NRXN2: variants seen among roughly 807,000 people sequenced by gnomAD.
NRXN2 encodes the protein neurexin 2.
Under a neutral mutation model 128.8 loss-of-function variants are expected in NRXN2, and 29 were observed. The ratio of observed to expected loss-of-function variants is 0.23; its 90% CI spans 0.17 to 0.31. NRXN2 has a LOEUF of 0.31. Ranked by LOEUF, NRXN2 falls within the 10% of genes least tolerant of loss-of-function variation. NRXN2 has a pLI of 1.00. For synonymous variants in NRXN2, 1,098 were observed against 1,075.2 expected (o/e 1.02, Z -0.41); for missense variants, 1,881 against 2,452.6 (o/e 0.77, Z 4.92).
chr11:64,629,145 G>A (rs576108512), intron 19 of NRXN2, among the ~76,000 whole-genome samples: 8 of 152,264 alleles, frequency 5.3e-5, no homozygotes, highest in Non-Finnish European at 1.2e-4. Flanking sequence ...CCTGCCCCTC[G>A]CAGTCAGCAT....
Position 64,690,456 on chromosome 11 carries a change from C to G in NRXN2, c.799G>C (p.Glu267Gln). The change falls in exon 5 of 23, where the codon GAG becomes CAG. Residue 267 changes from glutamate (E) to glutamine (Q), a missense_variant. By Grantham distance (29) the Glu-to-Gln change is conservative. This residue lies in a region of NRXN2 where 997 missense variants were observed against 1,240.8 expected (regional missense o/e 0.80). Coordinates refer to ENST00000265459, the MANE Select transcript of NRXN2 (RefSeq NM_015080.4). ...GCTCCTCCTCTCCCGGCCCCCCCCT[C>G]GGAGAACAGTAAGGACCCTACTGGA... ...NSEVGSLLFS[E>Q]GGAGRGGAGD... is the part of the protein sequence containing the mutation. The G allele has an allele frequency of 6.2e-7, 1 of 1,613,508 alleles. No homozygotes were observed. The highest frequency in any genetic ancestry group is 2.2e-5 in the East Asian group (1 of 44,862).
chr11:64,672,029 C>A (rs957554564), intron 7 of NRXN2, among the ~76,000 whole-genome samples: 1 of 152,174 alleles, frequency 6.6e-6, no homozygotes, highest in African/African-American at 2.4e-5. Context: ...CACAGACAAG[C>A]AGGCCGAGTG....
chr11:64,666,447 C>T (rs1041685801), intron 9 of NRXN2, among the ~76,000 whole-genome samples: 3 of 152,054 alleles, frequency 2.0e-5, no homozygotes, highest in Non-Finnish European at 2.9e-5. Flanking sequence ...AATGATCCAC[C>T]CACTTCGGCC....
intron 7 of NRXN2, among the ~76,000 whole-genome samples, chr11:64,669,137 G>A (rs1250465669): frequency 6.6e-6 from 1 of 152,166 alleles, no homozygotes; most frequent in Non-Finnish European, 1.5e-5. Flanking sequence ...TTTCAGTCTG[G>A]ACCCAGTAGG....
At position 64,607,659 on chromosome 11, in the gene NRXN2, T is replaced by C. The variant is rs931624303; in HGVS notation, c.4676A>G (p.Asn1559Ser). The C allele has an allele frequency of 9.2e-6, 14 of 1,525,380 alleles. No individual in the cohort carries two copies. The highest frequency in any genetic ancestry group is 1.2e-5 in the Non-Finnish European group (14 of 1,134,102). The allele number at this position is 1,525,380 out of a possible 1,614,324, so 94.5% of individuals were successfully genotyped here. A position where few individuals can be genotyped will look rare whatever the true frequency, so the allele number is the denominator to read the frequency against. The change falls in exon 23 of 23, where the codon AAC (asparagine) becomes AGC (serine). Residue 1559 changes from asparagine to serine, a missense_variant. Physicochemically the swap from Asn to Ser is conservative, Grantham distance 46. Coordinates refer to ENST00000265459, the MANE Select transcript of NRXN2 (RefSeq NM_015080.4). ...VLFAPSAPAPNLPAGKMNHRD... is the reference protein window; with the variant it reads ...VLFAPSAPAPSLPAGKMNHRD... ...GTGGTTCATTTTGCCCGCCGGCAGG[T>C]TGGGGGCCGGGGCGGAGGGGGCAAA... is the stretch of plus-strand genomic sequence containing the variant.
At chr11:64,694,935 T>A (rs1048717985) in intron 3 of NRXN2, among the ~76,000 whole-genome samples, 6 of 151,916 alleles carry the variant, frequency 3.9e-5, no homozygotes, top group Non-Finnish European at 7.4e-5. Flanking sequence ...AAGCCACATC[T>A]CCCTCTCCCA....
At chr11:64,663,308 A>G (rs980989660) in intron 9 of NRXN2, among the ~76,000 whole-genome samples, 9 of 151,590 alleles carry the variant, frequency 5.9e-5, no homozygotes, top group African/African-American at 1.9e-4. Flanking sequence ...CAGAGGTTGC[A>G]GTGAGCTGAG....
chr11:64,709,641 T>C (rs1357802426), intron 2 of NRXN2, among the ~76,000 whole-genome samples: 1 of 152,160 alleles, frequency 6.6e-6, no homozygotes, highest in African/African-American at 2.4e-5. Context: ...CATACAGCTT[T>C]GCCTCAAGCC....
At position 64,630,182 on chromosome 11, in the gene NRXN2, A is replaced by T. The variant is rs1407338903; in HGVS notation, c.3757+220T>A. Among the ~76,000 whole-genome samples, 4 of 145,168 alleles carry T rather than the reference A, an allele frequency of 2.8e-5. No homozygotes were observed. Among genetic ancestry groups the T allele is most frequent in the Non-Finnish European group, 6.0e-5 (4 of 66,700 alleles). Reference sequence around the variant, plus strand: ...CCTCCCCCATAGGGGGCGCATTCGCACCACCACGGTCTCGCCCCGCCGCCA... The same window carrying T: ...CCTCCCCCATAGGGGGCGCATTCGCTCCACCACGGTCTCGCCCCGCCGCCA... On this transcript the variant is annotated intron_variant, in intron 19 of 22. Transcript: ENST00000265459. This position sits in a 1 kb window ranked among gnomAD's most constrained non-coding sequence, Gnocchi z 4.6.
At chr11:64,675,435 A>G (rs900465923) in intron 7 of NRXN2, 6 of 152,158 alleles carry the variant, frequency 3.9e-5, no homozygotes, top group African/African-American at 1.4e-4. Context: ...GGGAGCCCCA[A>G]CTGTCACGCT....
At chr11:64,718,399 G>A (rs2057352580) in intron 1 of NRXN2, among the ~76,000 whole-genome samples, 1 of 152,182 alleles carries the variant, frequency 6.6e-6, no homozygotes, top group African/African-American at 2.4e-5. Context: ...GAGTGAGACA[G>A]CAGGGGCCTC....
chr11:64,661,160 G>C (rs778996760), intron 9 of NRXN2, 21 bp from the exon 10 acceptor site: 1 of 1,613,188 alleles, frequency 6.2e-7, no homozygotes, highest in Non-Finnish European at 8.5e-7. Context: ...AGGGAAGGCA[G>C]GATGGAGAAA....
intron 6 of NRXN2, among the ~76,000 whole-genome samples, chr11:64,680,127 G>C (rs1400832091): frequency 6.6e-6 from 1 of 152,182 alleles, no homozygotes; most frequent in Non-Finnish European, 1.5e-5. Context: ...AAGTCTTTCT[G>C]ACTCAAACAC....
At chr11:64,655,101 TGGGCA>T (rs1194144374) in intron 11 of NRXN2, among the ~76,000 whole-genome samples, 1 of 151,908 alleles carries the variant, frequency 6.6e-6, no homozygotes, top group Non-Finnish European at 1.5e-5. Context: ...GCAAAGGGGG[TGGGCA>T]GCTGCATCCC....
intron 5 of NRXN2, among the ~76,000 whole-genome samples, chr11:64,689,218 CTG>C (rs1244558627): frequency 5.3e-5 from 8 of 151,828 alleles, no homozygotes; most frequent in Non-Finnish European, 8.8e-5. Flanking sequence ...CTGCCTCTCT[CTG>C]TGTCTCCCTC....
Position 64,660,582 on chromosome 11 carries a change from C to G in NRXN2, c.2186-47G>C, listed in dbSNP as rs1321875194. ...GAGGGAAGGAGAAGACAGGCAGAGG[C>G]CAGGGGAGGGAGAAGACCAGAGAAT... On this transcript the variant is annotated intron_variant, in intron 10 of 22. Coordinates refer to ENST00000265459, the MANE Select transcript of NRXN2 (RefSeq NM_015080.4). This position sits in a 1 kb window ranked among gnomAD's most constrained non-coding sequence, Gnocchi z 5.2. 3 of 1,603,244 alleles carry G rather than the reference C, an allele frequency of 1.9e-6. No individual in the cohort carries two copies. Among genetic ancestry groups the G allele is most frequent in the Non-Finnish European group, 2.6e-6 (3 of 1,171,968 alleles).
In NRXN2 at chr11:64,607,476, C is replaced by T. The variant is rs2039808700; in HGVS notation, c.4859G>A (p.Arg1620Gln). ...CACCTCCACTGCGCCCGGCGGGCCC[C>T]GCTCCCCAGGCCCTGTGGGGTTGGC... is the stretch of plus-strand genomic sequence containing the variant. ...PTANPTGPGE[R>Q]GPPGAVEVIR... Residue 1620 changes from arginine (R) to glutamine (Q), a missense_variant, in exon 23 of 23, where the codon CGG (arginine) becomes CAG (glutamine). Arg to Gln is a conservative substitution (Grantham distance 43, BLOSUM62 1). Coordinates refer to ENST00000265459, the MANE Select transcript of NRXN2 (RefSeq NM_015080.4). 6.2e-7 allele frequency: 1 copy of T among 1,605,792 alleles called. No individual in the cohort carries two copies. The highest frequency in any genetic ancestry group is 8.5e-7 in the Non-Finnish European group (1 of 1,178,318).
Position 64,660,914 on chromosome 11 carries a change from T to C in NRXN2, c.2024A>G (p.Glu675Gly). The change falls in exon 10 of 23, where the codon GAG becomes GGG. Residue 675 changes from glutamate (E) to glycine (G), a missense_variant. Physicochemically the swap from Glu to Gly is moderately conservative, Grantham distance 98. Coordinates refer to ENST00000265459, the MANE Select transcript of NRXN2 (RefSeq NM_015080.4). The surrounding 1 kb of genome is among the most constrained non-coding windows in gnomAD (Gnocchi z 5.2). ...GRSRDLRGLA[E>G]AQGAVGVAPF... ...GGCAACGCCCACAGCCCCCTGAGCC[T>C]CAGCCAGGCCCCGGAGGTCTCGGCT... 3.7e-6 allele frequency: 6 copies of C among 1,613,546 alleles called. No homozygotes were observed. In the South Asian group the frequency reaches 6.6e-5, roughly 18 times the overall value.
chr11:64,647,064 GC>G lies in NRXN2; in HGVS notation c.3403+1154del, dbSNP rs2046790293. Among the ~76,000 whole-genome samples the G allele has an allele frequency of 2.0e-5, 3 of 152,166 alleles. No homozygotes were observed. In the South Asian group the frequency reaches 6.2e-4, roughly 32 times the overall value. On this transcript the variant is annotated intron_variant, in intron 17 of 22. Transcript: ENST00000265459. ...CTCCTGTAAGAAACTCAGGACTCAT[GC>G]CCAGGTGATGAAGGTCCCGCAGTGT...
Sources: gnomAD v4.1 joint callset for allele counts (sites outside exome capture counted in the v4.1 genomes callset) on GRCh38, gnomAD v4.1.1 for gene constraint, gnomAD v4.1.1 regional missense constraint, Gnocchi (gnomAD v3.1) non-coding constraint, MANE v1.5 for transcripts, NCBI Gene and HGNC (gene_info 2026-07-23, HGNC 2026-07-21) for gene names.